SCAPER: variants seen among roughly 807,000 people sequenced by gnomAD.
SCAPER encodes S-phase cyclin A associated protein in the ER.
SCAPER carries 98 observed loss-of-function variants against 182.2 expected under a neutral mutation model. The observed-to-expected ratio is 0.54, with a 90% confidence interval of 0.46 to 0.64. The LOEUF (loss-of-function observed/expected upper bound fraction) is 0.64. Among genes scored for constraint, SCAPER ranks in the 30% least tolerant of loss-of-function variants. SCAPER has a pLI of 0.00. For missense variants in SCAPER, 1,432 were observed against 1,690.0 expected, an observed-to-expected ratio of 0.85 and a Z score of 2.68; for synonymous variants, 605 against 564.6, an observed-to-expected ratio of 1.07 and a Z score of -1.01.
chr15:76,601,895 T>A lies in SCAPER; in HGVS notation c.2711+19869A>T, dbSNP rs140242771. Among the ~76,000 whole-genome samples, 6 of 121,650 alleles carry A rather than the reference T, an allele frequency of 4.9e-5. 3 individuals carry two copies. The highest frequency in any genetic ancestry group is 1.2e-4 in the Non-Finnish European group (6 of 50,106). 79.8% of individuals were successfully genotyped at this position (121,650 alleles called of 152,430 possible). ...TGTGAGATTGGTTCCAGGAACCCCA[T>A]GTAAAGCAAAATCTGCACATATTCA... On this transcript the variant is annotated intron_variant, in intron 22 of 31. Coordinates refer to ENST00000563290, the MANE Select transcript of SCAPER (RefSeq NM_020843.4).
intron 24 of SCAPER, chr15:76,498,571 T>C (rs2040823396): frequency 6.6e-6 from 1 of 152,244 alleles, no homozygotes; most frequent in Non-Finnish European, 1.5e-5. Flanking sequence ...TGTCAAGTTG[T>C]AGTCATACCC....
chr15:76,503,047 A>C (rs2041276180), intron 24 of SCAPER, among the ~76,000 whole-genome samples: 1 of 146,868 alleles, frequency 6.8e-6, no homozygotes, highest in Non-Finnish European at 1.5e-5. Context: ...TGCACGTTGA[A>C]GCCTACCAGA....
At chr15:76,591,048 T>C (rs2049065034) in intron 22 of SCAPER, among the ~76,000 whole-genome samples, 1 of 152,148 alleles carries the variant, frequency 6.6e-6, no homozygotes, top group South Asian at 2.1e-4. Flanking sequence ...GGCGAGGTGG[T>C]GAATGATGAG....
intron 23 of SCAPER, among the ~76,000 whole-genome samples, chr15:76,518,055 T>C (rs1003664127): frequency 6.6e-6 from 1 of 152,158 alleles, no homozygotes; most frequent in Admixed American, 6.5e-5. Context: ...GGTGCAGTTC[T>C]TGAGATTGCC....
chr15:76,538,436 A>T (rs1480816093), intron 23 of SCAPER, among the ~76,000 whole-genome samples: 1 of 151,664 alleles, frequency 6.6e-6, no homozygotes, highest in East Asian at 1.9e-4. Context: ...TGAAATTGGA[A>T]ATCATCATTC....
In SCAPER at chr15:76,842,473, A is replaced by G. The variant is rs1419536826; in HGVS notation, c.196-542T>C. Among the ~76,000 whole-genome samples, 5 of 152,324 alleles carry G rather than the reference A, an allele frequency of 3.3e-5. No individual in the cohort carries two copies. The East Asian group carries it at 7.7e-4, about 23-fold the overall frequency. ...GGGCAGTTCTTCCTGCCACCTTGTG[A>G]AGAAGGTGCCTTGGTTCCTCTTCGC... On this transcript the variant is annotated intron_variant, in intron 4 of 31. Coordinates refer to ENST00000563290, the MANE Select transcript of SCAPER (RefSeq NM_020843.4).
In SCAPER at chr15:76,707,797, C is replaced by T. The variant is rs117708750; in HGVS notation, c.2166-1813G>A. Among the ~76,000 whole-genome samples, 325 of 152,164 alleles carry T rather than the reference C, an allele frequency of 2.1e-3. 3 individuals carry two copies. Among genetic ancestry groups the T allele is most frequent in the Non-Finnish European group, 3.8e-3 (256 of 67,970 alleles). Reference sequence around the variant, plus strand: ...CACTCCATCCAACAACAGCAGAATGCACATACTTTCGAAGAGCACAAAGAA... The same window carrying T: ...CACTCCATCCAACAACAGCAGAATGTACATACTTTCGAAGAGCACAAAGAA... On this transcript the variant is annotated intron_variant, in intron 17 of 31. Transcript: ENST00000563290.
chr15:76,381,363 A>T lies in SCAPER; in HGVS notation c.3705+15T>A. ...TCTTGATTGGTTAACATCGATATAAACCAATACTTGGTACCTGAAAAGCAG... is the reference window on the plus strand; with the variant it reads ...TCTTGATTGGTTAACATCGATATAATCCAATACTTGGTACCTGAAAAGCAG... On this transcript the variant is annotated intron_variant, in intron 28 of 31. Transcript: ENST00000563290. 6.2e-7 allele frequency: 1 copy of T among 1,601,628 alleles called. No individual in the cohort carries two copies. Among genetic ancestry groups the T allele is most frequent in the Non-Finnish European group, 8.5e-7 (1 of 1,171,702 alleles).
intron 4 of SCAPER, among the ~76,000 whole-genome samples, chr15:76,844,482 A>T (rs961223174): frequency 6.6e-6 from 1 of 152,154 alleles, no homozygotes; most frequent in Non-Finnish European, 1.5e-5. Flanking sequence ...GAAGCTCTCC[A>T]AGAAAAGAGA....
At chr15:76,808,685 C>T (rs1339349786) in intron 5 of SCAPER, among the ~76,000 whole-genome samples, 1 of 152,222 alleles carries the variant, frequency 6.6e-6, no homozygotes, top group Non-Finnish European at 1.5e-5. Context: ...CATAAATGTG[C>T]ATGTGGGGAC....
chr15:76,435,165 A>T (rs2047115124), intron 25 of SCAPER, among the ~76,000 whole-genome samples: 1 of 152,204 alleles, frequency 6.6e-6, no homozygotes, highest in Non-Finnish European at 1.5e-5. Context: ...CAGTCCACCC[A>T]ACCACAAAGG....
At chr15:76,422,578 G>C (rs909010835) in intron 26 of SCAPER, among the ~76,000 whole-genome samples, 1 of 152,194 alleles carries the variant, frequency 6.6e-6, no homozygotes, top group African/African-American at 2.4e-5. Context: ...GGGACAACTT[G>C]ACTTCCTCTT....
In SCAPER at chr15:76,879,472, T is replaced by C. The variant is rs995244393; in HGVS notation, c.6+4340A>G. On this transcript the variant is annotated intron_variant, in intron 2 of 31. Transcript: ENST00000563290. ...TAGGATCTCAGATCTTTTACTGGAA[T>C]GTTAGAGAAAAGACTCTCCTACTGG... 2.6e-5 allele frequency among the ~76,000 whole-genome samples: 4 copies of C among 152,308 alleles called. No individual in the cohort carries two copies. In the East Asian group the frequency reaches 7.7e-4, roughly 29 times the overall value.
chr15:76,742,494 A>AAAAAAAAAAAAAAAAAAAAAAAAAAAG (rs1567986942), intron 15 of SCAPER, among the ~76,000 whole-genome samples: 1 of 108,662 alleles, frequency 9.2e-6, no homozygotes, highest in African/African-American at 3.4e-5. Context: ...AAAAAAAAAA[A>AAAAAAAAAAAAAAAAAAAAAAAAAAAG]GAATAAAAAT....
intron 1 of SCAPER, among the ~76,000 whole-genome samples, chr15:76,889,569 CAAAG>C (rs2074052058): frequency 6.6e-6 from 1 of 152,068 alleles, no homozygotes; most frequent in Non-Finnish European, 1.5e-5. Context: ...TCAAAAAAGA[CAAAG>C]AAGGCCATTA....
chr15:76,553,942 A>G (rs2045981166), intron 23 of SCAPER, among the ~76,000 whole-genome samples: 1 of 152,232 alleles, frequency 6.6e-6, no homozygotes, highest in Non-Finnish European at 1.5e-5. Context: ...ACTACAAATG[A>G]CTACATCAGT....
At chr15:76,896,142 G>A (rs1418936321) in intron 1 of SCAPER, among the ~76,000 whole-genome samples, 3 of 152,036 alleles carry the variant, frequency 2.0e-5, no homozygotes, top group Non-Finnish European at 4.4e-5. Flanking sequence ...GGCCAAGGCA[G>A]GCCGATCACT....
chr15:76,620,134 G>A (rs1470795589), intron 22 of SCAPER, among the ~76,000 whole-genome samples: 1 of 151,884 alleles, frequency 6.6e-6, no homozygotes, highest in African/African-American at 2.4e-5. Context: ...TATTGCTATT[G>A]TAAATATATT....
intron 20 of SCAPER, among the ~76,000 whole-genome samples, chr15:76,697,509 C>T (rs2058713532): frequency 6.6e-6 from 1 of 152,158 alleles, no homozygotes; most frequent in African/African-American, 2.4e-5. Context: ...TTCCTTCTAA[C>T]CTTTTCTCAC....
Sources: allele counts gnomAD v4.1 joint callset (sites outside exome capture counted in the v4.1 genomes callset), GRCh38; gene constraint gnomAD v4.1.1; transcripts MANE v1.5; gene names NCBI Gene and HGNC (gene_info 2026-07-23, HGNC 2026-07-21).